Variants in WWOX observed in about 807,000 individuals in gnomAD.
WWOX encodes WW domain-containing oxidoreductase.
A neutral mutation model predicts 46.2 loss-of-function variants in WWOX; 69 were observed. The ratio of observed to expected loss-of-function variants is 1.49; its 90% CI spans 1.23 to 1.82. The LOEUF (loss-of-function observed/expected upper bound fraction) is 1.82, where lower values mean the gene tolerates loss of function less well. Ranked by LOEUF, WWOX falls within the 40% of genes most tolerant of loss-of-function variation. The pLI is 0.00. For missense variants in WWOX, 919 were observed against 542.6 expected (o/e 1.69, Z -6.89); for synonymous variants, 359 against 202.6 (o/e 1.77, Z -6.56).
At chr16:78,861,687 A>G (rs1016121391) in intron 8 of WWOX, among the ~76,000 whole-genome samples, 1 of 152,238 alleles carries the variant, frequency 6.6e-6, no homozygotes, top group East Asian at 1.9e-4. Context: ...TCTAAATATT[A>G]TAAATGTCAT....
intron 4 of WWOX, among the ~76,000 whole-genome samples, chr16:78,117,761 A>G (rs925740705): frequency 6.6e-6 from 1 of 152,136 alleles, no homozygotes; most frequent in Non-Finnish European, 1.5e-5. Flanking sequence ...TACTTCCAAG[A>G]CTTCTGGGGC....
chr16:78,665,246 G>C (rs2047303652), intron 8 of WWOX, among the ~76,000 whole-genome samples: 1 of 152,144 alleles, frequency 6.6e-6, no homozygotes, highest in South Asian at 2.1e-4. Context: ...TTCCGGCACT[G>C]CCACATCTTG....
rs112754679 is a variant in WWOX at position 78,870,390 on chromosome 16, T to G, written c.1057-341218T>G. 9.7e-4 allele frequency among the ~76,000 whole-genome samples: 147 copies of G among 152,214 alleles called. 1 individual carries two copies. The highest frequency in any genetic ancestry group is 3.4e-3 in the African/African-American group (143 of 41,530). ...AGGACATCTCCCCTGACCTTCCCAT[T>G]TTGTAGATGGGAAGACTAAGGTCCA... On this transcript the variant is annotated intron_variant, in intron 8 of 8. Coordinates refer to ENST00000566780, the MANE Select transcript of WWOX (RefSeq NM_016373.4).
At chr16:78,516,230 T>G (rs374714239) in intron 8 of WWOX, among the ~76,000 whole-genome samples, 111 of 152,272 alleles carry the variant, frequency 7.3e-4, no homozygotes, top group African/African-American at 2.5e-3. Context: ...TCTTCCATCC[T>G]TAAACAGACA....
chr16:78,827,010 C>A (rs182111246), intron 8 of WWOX, among the ~76,000 whole-genome samples: 5 of 152,276 alleles, frequency 3.3e-5, no homozygotes, highest in Admixed American at 2.6e-4. Context: ...ATTTCCTCCC[C>A]GTGTCGCTTT....
chr16:78,388,796 C>T (rs990637634), intron 6 of WWOX, among the ~76,000 whole-genome samples: 2 of 151,774 alleles, frequency 1.3e-5, no homozygotes, highest in Non-Finnish European at 2.9e-5. Flanking sequence ...AAGGTAAAAC[C>T]CCGTCTCTAC....
At chr16:79,172,671 T>A (rs990608204) in intron 8 of WWOX, among the ~76,000 whole-genome samples, 7 of 152,248 alleles carry the variant, frequency 4.6e-5, no homozygotes, top group Admixed American at 2.6e-4. Flanking sequence ...TTTTTTTGTT[T>A]GTGTGCACGC....
At chr16:78,362,978 A>T (rs1029039630) in intron 5 of WWOX, among the ~76,000 whole-genome samples, 2 of 152,212 alleles carry the variant, frequency 1.3e-5, no homozygotes, top group African/African-American at 4.8e-5. Flanking sequence ...CTTCCCCAGC[A>T]TTAGGCAATA....
At chr16:78,164,663 CT>C (rs2034914033) in intron 5 of WWOX, among the ~76,000 whole-genome samples, 1 of 152,144 alleles carries the variant, frequency 6.6e-6, no homozygotes, top group Admixed American at 6.6e-5. Flanking sequence ...TAATTTCTTA[CT>C]TTTCTCTGTC....
chr16:78,532,856 GAA>G (rs1227680503), intron 8 of WWOX, among the ~76,000 whole-genome samples: 1 of 152,174 alleles, frequency 6.6e-6, no homozygotes, highest in Non-Finnish European at 1.5e-5. Flanking sequence ...GGGAATTCAA[GAA>G]GAGATTTGGG....
intron 8 of WWOX, among the ~76,000 whole-genome samples, chr16:79,184,719 G>A (rs1002572651): frequency 1.3e-5 from 2 of 152,144 alleles, no homozygotes; most frequent in African/African-American, 4.8e-5. Context: ...CAGAAGAGTG[G>A]GAGTCTAGGA....
chr16:78,233,726 A>G (rs552247283), intron 5 of WWOX, among the ~76,000 whole-genome samples: 32 of 151,950 alleles, frequency 2.1e-4, no homozygotes, highest in African/African-American at 7.7e-4. Flanking sequence ...ATGGGGTTTC[A>G]CCGTGTTAGC....
Position 79,013,232 on chromosome 16 carries a change from C to A in WWOX, c.1057-198376C>A, listed in dbSNP as rs561428007. Among the ~76,000 whole-genome samples, 16 of 152,216 alleles carry A rather than the reference C, an allele frequency of 1.1e-4. No individual in the cohort carries two copies. In the South Asian group the frequency reaches 2.7e-3, roughly 26 times the overall value. On this transcript the variant is annotated intron_variant, in intron 8 of 8. Coordinates refer to ENST00000566780, the MANE Select transcript of WWOX (RefSeq NM_016373.4). ...CAGGAAGAGGCCTTCCTCTGTGCAT[C>A]CTCCCACAGGGTCGAGAGTGAATGC...
At chr16:78,744,543 TGCCTCA>T (rs1567531286) in intron 8 of WWOX, among the ~76,000 whole-genome samples, 1 of 151,370 alleles carries the variant, frequency 6.6e-6, no homozygotes, top group Non-Finnish European at 1.5e-5. Flanking sequence ...GCAATTTTCT[TGCCTCA>T]GCCTCCCGAG....
intron 8 of WWOX, among the ~76,000 whole-genome samples, chr16:78,685,687 C>T (rs953728456): frequency 6.6e-6 from 1 of 152,222 alleles, no homozygotes; most frequent in African/African-American, 2.4e-5. Context: ...GAATGCTTAG[C>T]ACAGAACTCC....
intron 8 of WWOX, among the ~76,000 whole-genome samples, chr16:78,816,483 C>G (rs184686055): frequency 7.0e-6 from 1 of 143,130 alleles, no homozygotes; most frequent in East Asian, 2.1e-4. Context: ...TGAAATCTAC[C>G]AGACAAGAAG....
intron 8 of WWOX, among the ~76,000 whole-genome samples, chr16:78,903,204 C>A (rs2044873244): frequency 6.6e-6 from 1 of 152,098 alleles, no homozygotes; most frequent in South Asian, 2.1e-4. Flanking sequence ...TGGGGTACAC[C>A]CCTTATAAAT....
At chr16:78,915,510 C>T (rs1206168316) in intron 8 of WWOX, among the ~76,000 whole-genome samples, 1 of 152,144 alleles carries the variant, frequency 6.6e-6, no homozygotes, top group Non-Finnish European at 1.5e-5. Context: ...CAGAATGTCG[C>T]ATGCAGATCA....
chr16:78,314,188 C>T (rs565868817), intron 5 of WWOX, among the ~76,000 whole-genome samples: 14 of 152,006 alleles, frequency 9.2e-5, no homozygotes, highest in Admixed American at 5.9e-4. Context: ...TGGCAGATCA[C>T]GAGGTCAGGA....
Sources: allele counts gnomAD v4.1 joint callset (sites outside exome capture counted in the v4.1 genomes callset), GRCh38; gene constraint gnomAD v4.1.1; transcripts MANE v1.5; gene names NCBI Gene and HGNC (gene_info 2026-07-23, HGNC 2026-07-21).